The following LRRC69 variants were observed in gnomAD, a reference collection of about 807,000 sequenced individuals.
The protein encoded by LRRC69 is leucine-rich repeat-containing protein 69.
A neutral mutation model predicts 37.8 loss-of-function variants in LRRC69; 42 were observed. That is an observed-to-expected ratio of 1.11 (90% CI 0.87 to 1.44). The LOEUF is 1.44. Among genes scored for constraint, LRRC69 ranks in the 40% most tolerant of loss-of-function variants. The probability of loss-of-function intolerance (pLI) is 0.00; values close to 1 mark genes in which losing one functional copy is unlikely to be tolerated. For missense variants in LRRC69, 357 were observed against 401.9 expected (o/e 0.89, Z 0.96); for synonymous variants, 141 against 143.1 (o/e 0.99, Z 0.11).
chr8:91,137,804 G>T (rs571592908), intron 5 of LRRC69, among the ~76,000 whole-genome samples: 1 of 152,000 alleles, frequency 6.6e-6, no homozygotes, highest in South Asian at 2.1e-4. Flanking sequence ...TAAAAATATG[G>T]CACAACTGGT....
At chr8:91,136,010 TACAC>T (rs1808413895) in intron 5 of LRRC69, among the ~76,000 whole-genome samples, 1 of 152,012 alleles carries the variant, frequency 6.6e-6, no homozygotes, top group Non-Finnish European at 1.5e-5. Flanking sequence ...TTTTGGTTAT[TACAC>T]ACTGCTTTTG....
chr8:91,141,599 G>A (rs1349636515), intron 5 of LRRC69, among the ~76,000 whole-genome samples: 5 of 152,012 alleles, frequency 3.3e-5, no homozygotes, highest in Non-Finnish European at 2.9e-5. Flanking sequence ...TCTAATCTGG[G>A]GAAGTAAATG....
intron 1 of LRRC69, among the ~76,000 whole-genome samples, chr8:91,111,204 G>A (rs1288599325): frequency 6.6e-6 from 1 of 151,954 alleles, no homozygotes; most frequent in Admixed American, 6.6e-5. Context: ...AGAAAATGTG[G>A]TACATATATA....
At chr8:91,136,208 T>G (rs967151691) in intron 5 of LRRC69, among the ~76,000 whole-genome samples, 5 of 152,000 alleles carry the variant, frequency 3.3e-5, no homozygotes, top group African/African-American at 9.6e-5. Flanking sequence ...ACCGTTTGTC[T>G]TGGCAACTCC....
chr8:91,153,216 G>A lies in LRRC69; in HGVS notation c.651+17477G>A, dbSNP rs753734156. 5.3e-5 allele frequency among the ~76,000 whole-genome samples: 8 copies of A among 151,286 alleles called. 1 individual carries two copies. Among genetic ancestry groups the A allele is most frequent in the Admixed American group, 1.3e-4 (2 of 15,096 alleles). ...ATACAGGAGGACCCAGATTTGTAACGCAAGTTCTTAGAGAACTACAAGGAG... is the reference window on the plus strand; with the variant it reads ...ATACAGGAGGACCCAGATTTGTAACACAAGTTCTTAGAGAACTACAAGGAG... On this transcript the variant is annotated intron_variant, in intron 5 of 7. Coordinates refer to ENST00000448384, the Ensembl canonical transcript of LRRC69.
chr8:91,188,072 A>G (rs1364558330), intron 5 of LRRC69, among the ~76,000 whole-genome samples: 1 of 152,156 alleles, frequency 6.6e-6, no homozygotes, highest in Non-Finnish European at 1.5e-5. Context: ...ACTGACTTAG[A>G]GCTGCCATTG....
exon 7 of LRRC69, chr8:91,200,753 C>T (rs938313694): frequency 5.9e-6 from 9 of 1,531,306 alleles, no homozygotes; most frequent in African/African-American, 2.8e-5. Flanking sequence ...ACTTTATAAC[C>T]GTATGGCTGG....
intron 5 of LRRC69, among the ~76,000 whole-genome samples, chr8:91,162,165 C>T (rs1808956437): frequency 6.6e-6 from 1 of 151,364 alleles, no homozygotes; most frequent in African/African-American, 2.4e-5. Flanking sequence ...TGTTTTATGT[C>T]CTAACATATG....
At chr8:91,210,517 T>C (rs1008717259) in intron 7 of LRRC69, among the ~76,000 whole-genome samples, 1 of 150,468 alleles carries the variant, frequency 6.6e-6, no homozygotes, top group Non-Finnish European at 1.5e-5. Flanking sequence ...GTCAGATAGA[T>C]AGAACTTTCT....
At chr8:91,106,319 T>A (rs1306301201) in intron 1 of LRRC69, among the ~76,000 whole-genome samples, 1 of 152,090 alleles carries the variant, frequency 6.6e-6, no homozygotes, top group Non-Finnish European at 1.5e-5. Flanking sequence ...TATCATCATA[T>A]GAAGTCCAGT....
intron 7 of LRRC69, among the ~76,000 whole-genome samples, chr8:91,217,981 G>A (rs1233577928): frequency 6.6e-6 from 1 of 152,056 alleles, no homozygotes; most frequent in African/African-American, 2.4e-5. Flanking sequence ...ACATCACCAG[G>A]GTTAGAAGGC....
chr8:91,103,272 G>A (rs1813252317), intron 1 of LRRC69, among the ~76,000 whole-genome samples: 2 of 152,138 alleles, frequency 1.3e-5, no homozygotes, highest in South Asian at 4.1e-4. Context: ...TTAGGATGCA[G>A]CAAGGGAGTT....
At chr8:91,108,633 C>T (rs1813360047) in intron 1 of LRRC69, among the ~76,000 whole-genome samples, 1 of 152,010 alleles carries the variant, frequency 6.6e-6, no homozygotes, top group Non-Finnish European at 1.5e-5. Context: ...GCTTGTCTAA[C>T]CCGTGGCCCG....
In LRRC69 at chr8:91,135,757, C is replaced by A. The variant is rs1484793765; in HGVS notation, c.651+18C>A. 5.3e-6 allele frequency: 7 copies of A among 1,315,212 alleles called. No homozygotes were observed. The highest frequency in any genetic ancestry group is 7.0e-6 in the Non-Finnish European group (7 of 998,204). 81.5% of individuals were successfully genotyped at this position (1,315,212 alleles called of 1,614,324 possible). ...CATCAGGAGTAAGTAGAGTCAACTTCCATTATAATTGAAAAATAATTTTGT... is the reference window on the plus strand; with the variant it reads ...CATCAGGAGTAAGTAGAGTCAACTTACATTATAATTGAAAAATAATTTTGT... On this transcript the variant is annotated intron_variant, in intron 5 of 7. Coordinates refer to ENST00000448384, the Ensembl canonical transcript of LRRC69.
At chr8:91,151,400 G>A (rs1372967767) in intron 5 of LRRC69, among the ~76,000 whole-genome samples, 4 of 151,798 alleles carry the variant, frequency 2.6e-5, no homozygotes, top group African/African-American at 4.8e-5. Flanking sequence ...GTGGTTTTGA[G>A]TGAGTTTCTT....
intron 4 of LRRC69, among the ~76,000 whole-genome samples, chr8:91,135,160 G>A (rs1037870443): frequency 6.6e-5 from 10 of 151,982 alleles, no homozygotes; most frequent in African/African-American, 2.4e-4. Flanking sequence ...ACAAAGGAGA[G>A]TATCATGGCA....
exon 1 of LRRC69, chr8:91,102,823 A>G: frequency 1.3e-6 from 2 of 1,547,946 alleles, no homozygotes; most frequent in Non-Finnish European, 1.7e-6. Context: ...AAGTGTGTCC[A>G]GAGTTATGCA....
At chr8:91,140,292 C>A (rs543556602) in intron 5 of LRRC69, among the ~76,000 whole-genome samples, 1 of 151,852 alleles carries the variant, frequency 6.6e-6, no homozygotes, top group African/African-American at 2.4e-5. Flanking sequence ...CTGAGACATA[C>A]CAAATTATTT....
intron 5 of LRRC69, among the ~76,000 whole-genome samples, chr8:91,180,055 T>G (rs1323351281): frequency 6.6e-6 from 1 of 152,240 alleles, no homozygotes; most frequent in African/African-American, 2.4e-5. Context: ...TGATTTGCTT[T>G]AGTAAAATAG....
Sources: allele counts gnomAD v4.1 joint callset (sites outside exome capture counted in the v4.1 genomes callset), GRCh38; gene constraint gnomAD v4.1.1; transcripts MANE v1.5; gene names NCBI Gene and HGNC (gene_info 2026-07-23, HGNC 2026-07-21).